The following SYT1 variants were observed in gnomAD, a reference collection of about 807,000 sequenced individuals.
SYT1 encodes synaptotagmin 1.
SYT1 carries 8 observed loss-of-function variants against 44.8 expected under a neutral mutation model. The observed-to-expected ratio is 0.18, with a 90% CI of 0.10 to 0.32. The LOEUF (loss-of-function observed/expected upper bound fraction) is 0.32. SYT1 is among the 10% of genes least tolerant of loss of function. SYT1 has a pLI of 1.00. For missense variants in SYT1, 286 were observed against 509.3 expected, an observed-to-expected ratio of 0.56 and a Z score of 4.22; for synonymous variants, 154 against 188.8, an observed-to-expected ratio of 0.82 and a Z score of 1.51.
chr12:78,990,354 A>G (rs540175866), intron 2 of SYT1, among the ~76,000 whole-genome samples: 1 of 152,228 alleles, frequency 6.6e-6, no homozygotes, highest in African/African-American at 2.4e-5. Context: ...TATATTAAAT[A>G]TTTTTGCCAT....
At chr12:79,448,764 G>A (rs532710824) in intron 10 of SYT1, among the ~76,000 whole-genome samples, 154 bp from the exon 11 acceptor site, 10 of 152,298 alleles carry the variant, frequency 6.6e-5, no homozygotes, top group South Asian at 2.1e-4. Context: ...AAAAATTAAC[G>A]TTTGAGTATT....
intron 3 of SYT1, among the ~76,000 whole-genome samples, chr12:79,123,341 G>GTGTT (rs1319235523): frequency 3.3e-5 from 5 of 151,716 alleles, no homozygotes; most frequent in African/African-American, 7.3e-5. Context: ...GTGTGTGTGT[G>GTGTT]TGTGTGTGTG....
chr12:78,912,528 G>C (rs1876400023), intron 1 of SYT1, among the ~76,000 whole-genome samples: 2 of 151,694 alleles, frequency 1.3e-5, no homozygotes, highest in African/African-American at 4.8e-5. Context: ...AAGAGAGTTT[G>C]GTTATTGTAA....
chr12:79,140,934 G>A (rs1869518984), intron 3 of SYT1, among the ~76,000 whole-genome samples: 3 of 152,096 alleles, frequency 2.0e-5, no homozygotes, highest in Admixed American at 1.3e-4. Flanking sequence ...TCAGCTTGCC[G>A]ACATCTGAAT....
chr12:79,310,209 G>A (rs1344252551), intron 8 of SYT1, among the ~76,000 whole-genome samples: 2 of 152,006 alleles, frequency 1.3e-5, no homozygotes, highest in Non-Finnish European at 2.9e-5. Context: ...TGTAAGGAAG[G>A]GATCCAGTTT....
intron 4 of SYT1, among the ~76,000 whole-genome samples, chr12:79,249,967 G>C (rs946219882): frequency 2.0e-5 from 3 of 151,914 alleles, no homozygotes; most frequent in African/African-American, 7.3e-5. Context: ...AATAGGGTTG[G>C]GTCTGGAACC....
At position 79,117,707 on chromosome 12, in the gene SYT1, AT is replaced by A. The variant is rs1565813878; in HGVS notation, c.-18+70346del. Among the ~76,000 whole-genome samples the A allele has an allele frequency of 2.5e-3, 270 of 107,836 alleles. 1 individual carries two copies. Among genetic ancestry groups the A allele is most frequent in the Middle Eastern group, 9.5e-3 (2 of 210 alleles). The allele number at this position is 107,836 out of a possible 152,430, so 70.7% of individuals were successfully genotyped here. On this transcript the variant is annotated intron_variant, in intron 3 of 10. Transcript: ENST00000261205. Reference sequence around the variant, plus strand: ...TATATATATATATATATATATATATATATATATAAAATAAATAGGTTGCATA... The same window carrying A: ...TATATATATATATATATATATATATAATATATAAAATAAATAGGTTGCATA...
chr12:79,202,382 T>G (rs1565852650), intron 3 of SYT1, among the ~76,000 whole-genome samples: 1 of 152,322 alleles, frequency 6.6e-6, no homozygotes, highest in Admixed American at 6.5e-5. Context: ...AACCCCGCTT[T>G]CTTAAAGTGG....
chr12:79,412,852 C>T (rs367683139), intron 9 of SYT1, among the ~76,000 whole-genome samples: 1 of 152,136 alleles, frequency 6.6e-6, no homozygotes, highest in African/African-American at 2.4e-5. Context: ...CAGCAATAAA[C>T]ATCATATAAT....
At chr12:79,169,646 C>A (rs1416453635) in intron 3 of SYT1, among the ~76,000 whole-genome samples, 3 of 151,822 alleles carry the variant, frequency 2.0e-5, no homozygotes, top group Non-Finnish European at 2.9e-5. Context: ...GAAAGGACAC[C>A]ATTTGGATTT....
intron 4 of SYT1, among the ~76,000 whole-genome samples, chr12:79,239,260 A>G (rs1000429154): frequency 1.2e-4 from 18 of 152,244 alleles, no homozygotes; most frequent in Non-Finnish European, 2.1e-4. Flanking sequence ...TGAGAAAAAT[A>G]TCAGACAAAT....
At chr12:79,334,612 G>A (rs1213537537) in intron 8 of SYT1, among the ~76,000 whole-genome samples, 2 of 152,172 alleles carry the variant, frequency 1.3e-5, no homozygotes, top group African/African-American at 4.8e-5. Context: ...GAACATGCAC[G>A]CATCCGCTCT....
At chr12:79,429,640 T>G (rs1271378958) in intron 9 of SYT1, among the ~76,000 whole-genome samples, 1 of 152,148 alleles carries the variant, frequency 6.6e-6, no homozygotes, top group East Asian at 1.9e-4. Context: ...GCCATTCTCC[T>G]GCCTCAGCCT....
At chr12:79,226,430 T>A (rs190393301) in intron 4 of SYT1, among the ~76,000 whole-genome samples, 2 of 152,306 alleles carry the variant, frequency 1.3e-5, no homozygotes, top group East Asian at 3.9e-4. Flanking sequence ...CAAACCATTG[T>A]CTTAGTCCTG....
chr12:79,072,151 T>A (rs1025692564), intron 3 of SYT1, among the ~76,000 whole-genome samples: 1 of 152,140 alleles, frequency 6.6e-6, no homozygotes, highest in African/African-American at 2.4e-5. Flanking sequence ...ATAAAAAGGA[T>A]TATCTTCTAT....
chr12:79,423,796 G>A (rs1869265151), intron 9 of SYT1, among the ~76,000 whole-genome samples: 1 of 151,672 alleles, frequency 6.6e-6, no homozygotes, highest in African/African-American at 2.4e-5. Flanking sequence ...TAAATATGCC[G>A]AACACCTATA....
chr12:79,024,736 T>C (rs765562541), intron 2 of SYT1, among the ~76,000 whole-genome samples: 1 of 151,790 alleles, frequency 6.6e-6, no homozygotes, highest in Non-Finnish European at 1.5e-5. Context: ...TGTAGGGGGA[T>C]GCTGAAATGA....
intron 3 of SYT1, among the ~76,000 whole-genome samples, chr12:79,180,572 C>T (rs1872471108): frequency 6.6e-6 from 1 of 151,790 alleles, no homozygotes; most frequent in South Asian, 2.1e-4. Context: ...TCTGAGGAGG[C>T]CTCAGGAAAC....
At chr12:79,393,194 C>T (rs4454782) in intron 9 of SYT1, 22,640 of 152,108 alleles carry the variant, frequency 0.15, 2,033 homozygotes, top group Middle Eastern at 0.34. Context: ...TTTCTTTATC[C>T]AGTCTATTAT....
Sources: gnomAD v4.1 joint callset for allele counts (sites outside exome capture counted in the v4.1 genomes callset) on GRCh38, gnomAD v4.1.1 for gene constraint, MANE v1.5 for transcripts, NCBI Gene and HGNC (gene_info 2026-07-23, HGNC 2026-07-21) for gene names.